The following MAP2K3 variants were observed in gnomAD, a reference collection of about 807,000 sequenced individuals.
MAP2K3 encodes dual specificity mitogen-activated protein kinase kinase 3.
In MAP2K3, 30 loss-of-function variants were observed where a neutral mutation model predicts 46.4. The ratio of observed to expected loss-of-function variants is 0.65; its 90% CI spans 0.48 to 0.88. The LOEUF (loss-of-function observed/expected upper bound fraction) is 0.88, where lower values mean the gene tolerates loss of function less well. MAP2K3 is among the 40% of genes least tolerant of loss of function. MAP2K3 has a pLI of 0.00. For synonymous variants in MAP2K3, 189 were observed against 176.3 expected (o/e 1.07, Z -0.57); for missense variants, 380 against 464.5 (o/e 0.82, Z 1.67).
intron 1 of MAP2K3, among the ~76,000 whole-genome samples, chr17:21,297,186 G>T (rs1298502189): frequency 6.6e-6 from 1 of 152,310 alleles, no homozygotes. Flanking sequence ...CCGGTGCGTG[G>T]CTCTGAGATG....
chr17:21,304,250 G>A (rs1291717510), intron 7 of MAP2K3, among the ~76,000 whole-genome samples, 176 bp from the exon 8 acceptor site: 1 of 152,310 alleles, frequency 6.6e-6, no homozygotes, highest in African/African-American at 2.4e-5. Context: ...GGCACCTCTT[G>A]CAGCCTCAGT....
chr17:21,284,943 A>G lies in MAP2K3; in HGVS notation c.23A>G (p.Gln8Arg). Residue 8 changes from glutamine to arginine, a missense_variant, in exon 1 of 12, where the codon CAG becomes CGG. Physicochemically the swap from Gln to Arg is conservative, Grantham distance 43 (BLOSUM62 1). Coordinates refer to ENST00000342679, the MANE Select transcript of MAP2K3 (RefSeq NM_145109.3). ...AGCATGGAGTCGCCCGCCTCGAGCCAGCCCGCCAGCATGCCCCAGTCCAAA... is the reference window on the plus strand; with the variant it reads ...AGCATGGAGTCGCCCGCCTCGAGCCGGCCCGCCAGCATGCCCCAGTCCAAA... MESPASS[Q>R]PASMPQSKGK... The G allele has an allele frequency of 6.2e-7, 1 of 1,612,248 alleles. No individual in the cohort carries two copies. Among genetic ancestry groups the G allele is most frequent in the Non-Finnish European group, 8.5e-7 (1 of 1,179,664 alleles).
At chr17:21,293,325 TC>T (rs1976051072) in intron 1 of MAP2K3, among the ~76,000 whole-genome samples, 1 of 8 alleles carries the variant, frequency 0.12, no homozygotes, top group Non-Finnish European at 0.25. Context: ...TCCTTCCCTC[TC>T]CAGCGAGGCC....
intron 9 of MAP2K3, among the ~76,000 whole-genome samples, chr17:21,307,085 GA>G (rs1412889300): frequency 6.6e-6 from 1 of 152,312 alleles, no homozygotes; most frequent in African/African-American, 2.4e-5. Context: ...TGCACCCACT[GA>G]AAGTTTTTAT....
chr17:21,291,342 A>G (rs1229810589), intron 1 of MAP2K3: 1 of 336,886 alleles, frequency 3.0e-6, no homozygotes, highest in African/African-American at 2.5e-5. Flanking sequence ...ACAGTACAAT[A>G]CAATACAACA....
chr17:21,290,699 C>T (rs568004978), intron 1 of MAP2K3, among the ~76,000 whole-genome samples: 2 of 152,428 alleles, frequency 1.3e-5, no homozygotes, highest in East Asian at 3.8e-4. Flanking sequence ...ATGATAAATC[C>T]CAGCCTTTGG....
intron 1 of MAP2K3, among the ~76,000 whole-genome samples, chr17:21,296,789 G>C (rs765603207): frequency 6.6e-6 from 1 of 152,284 alleles, no homozygotes; most frequent in African/African-American, 2.4e-5. Flanking sequence ...GACAGCCAGG[G>C]TGTTGCTGCA....
At chr17:21,285,000 A>T (rs1294871096) in intron 1 of MAP2K3, 31 bp downstream of exon 1, 1 of 1,598,272 alleles carries the variant, frequency 6.3e-7, no homozygotes, top group Non-Finnish European at 8.5e-7. Flanking sequence ...CCTCGGCCTG[A>T]CCCCGCGCCT....
intron 1 of MAP2K3, among the ~76,000 whole-genome samples, chr17:21,294,678 G>T (rs1462525178): frequency 2.0e-5 from 3 of 152,310 alleles, no homozygotes. Flanking sequence ...CCCTTGTGGA[G>T]TCACTGAGAG....
chr17:21,295,850 C>G, intron 1 of MAP2K3: 1 of 1,252,302 alleles, frequency 8.0e-7, no homozygotes, highest in Non-Finnish European at 1.0e-6. Context: ...GGGTGGCAGG[C>G]TGGGGCCAGA....
rs1389030246 is a variant in MAP2K3 at position 21,292,376 on chromosome 17, CCTT to C, written c.50-6028_50-6026del. On this transcript the variant is annotated intron_variant, in intron 1 of 11. Transcript: ENST00000342679. ...CTCTGCACACTCCAGCATTTTCTTTCCTTCTTCTTCTCATTTTTTTTTTTTGAG... is the reference window on the plus strand; with the variant it reads ...CTCTGCACACTCCAGCATTTTCTTTCCTTCTTCTCATTTTTTTTTTTTGAG... Among the ~76,000 whole-genome samples the C allele has an allele frequency of 1.4e-4, 21 of 152,414 alleles. No individual in the cohort carries two copies. The South Asian group carries it at 3.1e-3, about 23-fold the overall frequency.
chr17:21,313,453 C>T (rs202186618), intron 10 of MAP2K3, 39 bp from the exon 11 acceptor site: 2 of 1,599,308 alleles, frequency 1.3e-6, no homozygotes, highest in Middle Eastern at 1.7e-4. Flanking sequence ...TGGGCTTCCT[C>T]CCTGCCAGCC....
intron 1 of MAP2K3, among the ~76,000 whole-genome samples, chr17:21,297,564 G>A (rs568334986): frequency 5.1e-4 from 78 of 152,398 alleles, no homozygotes; most frequent in Admixed American, 1.2e-3. Context: ...GTGGAATGGC[G>A]GCTATGCCTT....
intron 10 of MAP2K3, among the ~76,000 whole-genome samples, chr17:21,312,894 A>G (rs1398478732): frequency 6.7e-6 from 1 of 149,450 alleles, no homozygotes; most frequent in African/African-American, 2.5e-5. Context: ...GCACTCCAGC[A>G]TGGGTGACAG....
chr17:21,292,033 G>A (rs1880615337), intron 1 of MAP2K3, among the ~76,000 whole-genome samples: 1 of 152,312 alleles, frequency 6.6e-6, no homozygotes, highest in Admixed American at 6.5e-5. Context: ...GAAGGCAGGA[G>A]CTGGGACCCA....
Position 21,284,962 on chromosome 17 carries a change from G to A in MAP2K3, c.42G>A (p.Gln14=). The change falls in exon 1 of 12, where the codon CAG becomes CAA. Residue 14 remains glutamine, a synonymous_variant. Coordinates refer to ENST00000342679, the MANE Select transcript of MAP2K3 (RefSeq NM_145109.3). ...CGAGCCAGCCCGCCAGCATGCCCCA[G>A]TCCAAAGGTAGGCGCTCCCGGCCGG... The part of the protein sequence containing the change: ...PASSQPASMP[Q]SKGKSKRKKD... The A allele has an allele frequency of 6.2e-7, 1 of 1,611,702 alleles. No homozygotes were observed. Among genetic ancestry groups the A allele is most frequent in the Non-Finnish European group, 8.5e-7 (1 of 1,179,416 alleles).
intron 9 of MAP2K3, among the ~76,000 whole-genome samples, chr17:21,307,709 A>G (rs1976962995): frequency 1.3e-5 from 2 of 151,442 alleles, no homozygotes; most frequent in African/African-American, 4.9e-5. Context: ...ATGGAGTCTC[A>G]CTCTGTTGCC....
Position 21,314,320 on chromosome 17 carries a change from A to G in MAP2K3, c.*90A>G. The G allele has an allele frequency of 1.7e-6, 2 of 1,188,400 alleles. No homozygotes were observed. The highest frequency in any genetic ancestry group is 2.5e-6 in the Non-Finnish European group (2 of 803,684). The allele number at this position is 1,188,400 out of a possible 1,614,324, so 73.6% of individuals were successfully genotyped here. ...CTCACCCACACCATAAGCTACTGCC[A>G]TCCTGGCCCAGGGCATCTGGGAGGA... On this transcript the variant is annotated 3_prime_UTR_variant, in exon 12 of 12. Transcript: ENST00000342679.
chr17:21,301,771 G>C (rs1326005220), intron 5 of MAP2K3, among the ~76,000 whole-genome samples: 1 of 152,310 alleles, frequency 6.6e-6, no homozygotes, highest in African/African-American at 2.4e-5. Flanking sequence ...CATCTGCCAG[G>C]GTCAGCTGGC....
Sources: allele counts gnomAD v4.1 joint callset (sites outside exome capture counted in the v4.1 genomes callset), GRCh38; gene constraint gnomAD v4.1.1; transcripts MANE v1.5; gene names NCBI Gene and HGNC (gene_info 2026-07-23, HGNC 2026-07-21).